HERC2: variants seen among roughly 807,000 people sequenced by gnomAD.
HERC2 encodes the protein E3 ubiquitin-protein ligase HERC2.
A neutral mutation model predicts 537.7 loss-of-function variants in HERC2; 102 were observed. The ratio of observed to expected loss-of-function variants is 0.19; its 90% confidence interval spans 0.16 to 0.22. The LOEUF (loss-of-function observed/expected upper bound fraction) is 0.22. Ranked by LOEUF, HERC2 falls within the 10% of genes least tolerant of loss-of-function variation. HERC2 has a pLI of 1.00. For synonymous variants in HERC2, 2,224 were observed against 2,466.2 expected, an observed-to-expected ratio of 0.90 and a Z score of 2.91; for missense variants, 4,236 against 6,198.2, an observed-to-expected ratio of 0.68 and a Z score of 10.63.
intron 81 of HERC2, among the ~76,000 whole-genome samples, 195 bp downstream of exon 81, chr15:28,131,905 G>T (rs190157403): frequency 5.3e-5 from 8 of 152,256 alleles, no homozygotes; most frequent in Non-Finnish European, 1.0e-4. Flanking sequence ...CTCCCTCTAG[G>T]CCCTCCACAC....
chr15:28,265,555 C>T lies in HERC2; in HGVS notation c.1870+63G>A. On this transcript the variant is annotated intron_variant, in intron 14 of 92. Coordinates refer to ENST00000261609, the MANE Select transcript of HERC2 (RefSeq NM_004667.6). This position sits in a 1 kb window ranked among gnomAD's most constrained non-coding sequence, Gnocchi z 4.0. ...AGGCCCACTGTACTCATCTCACTTC[C>T]TCCAGGGAAGCTGCCATGCGTGTCC... The T allele has an allele frequency of 7.2e-7, 1 of 1,394,128 alleles. No individual in the cohort carries two copies. The highest frequency in any genetic ancestry group is 1.0e-6 in the Non-Finnish European group (1 of 984,746). The allele number at this position is 1,394,128 out of a possible 1,614,324, so 86.4% of individuals were successfully genotyped here.
chr15:28,201,440 T>G lies in HERC2; in HGVS notation c.7716+16A>C, dbSNP rs149637097. ...TGAAAAACGGATCGAGGCTCCAGCT[T>G]AAGACAATTACTCACCTGAATATTC... On this transcript the variant is annotated intron_variant, in intron 48 of 92. Transcript: ENST00000261609. The G allele has an allele frequency of 1.7e-4, 254 of 1,477,540 alleles. 2 individuals are homozygous for G. The African/African-American group carries it at 3.3e-3, about 19-fold the overall frequency. The allele number at this position is 1,477,540 out of a possible 1,614,324, so 91.5% of individuals were successfully genotyped here. A position where few individuals can be genotyped will look rare whatever the true frequency, so the allele number is the denominator to read the frequency against.
At chr15:28,186,542 G>C (rs1184419576) in intron 56 of HERC2, 35 bp downstream of exon 56, 1 of 1,565,798 alleles carries the variant, frequency 6.4e-7, no homozygotes, top group East Asian at 2.3e-5. Flanking sequence ...AATGTAGCGG[G>C]AGGTAAGTGA....
At chr15:28,197,608 C>T (rs564648329) in intron 50 of HERC2, among the ~76,000 whole-genome samples, 1 of 152,176 alleles carries the variant, frequency 6.6e-6, no homozygotes, top group South Asian at 2.1e-4. Flanking sequence ...AAAAATTATC[C>T]AGGCATGGTG....
intron 48 of HERC2, among the ~76,000 whole-genome samples, chr15:28,199,009 T>C (rs1431029681): frequency 1.3e-5 from 2 of 152,018 alleles, no homozygotes; most frequent in Non-Finnish European, 2.9e-5. Context: ...TAGCCAGACG[T>C]GGCGGTGCAT....
intron 81 of HERC2, among the ~76,000 whole-genome samples, 200 bp downstream of exon 81, chr15:28,131,900 T>A (rs1890147130): frequency 6.6e-6 from 1 of 152,142 alleles, no homozygotes; most frequent in African/African-American, 2.4e-5. Context: ...CCTTACTCCC[T>A]CTAGGCCCTC....
In HERC2 at chr15:28,141,634, C is replaced by T. The variant is rs368537466; in HGVS notation, c.11817-4G>A. On this transcript the variant is annotated splice_polypyrimidine_tract_variant and splice_region_variant and intron_variant, in intron 77 of 92. Coordinates refer to ENST00000261609, the MANE Select transcript of HERC2 (RefSeq NM_004667.6). ...GAGAGTCCAGTCATCTGGTCGCCTA[C>T]AATACACATCAAGTGAGCATTTGCC... The T allele has an allele frequency of 1.2e-6, 2 of 1,614,006 alleles. No individual in the cohort carries two copies. Among genetic ancestry groups the T allele is most frequent in the Admixed American group, 3.3e-5 (2 of 59,986 alleles).
intron 44 of HERC2, among the ~76,000 whole-genome samples, chr15:28,210,180 C>T (rs1899015449): frequency 1.3e-5 from 2 of 151,990 alleles, no homozygotes; most frequent in South Asian, 4.1e-4. Context: ...GTCGTCCAGG[C>T]TGGAGTGCAG....
rs1473278904 is a variant in HERC2 at position 28,274,895 on chromosome 15, G to A, written c.643+10C>T. On this transcript the variant is annotated intron_variant, in intron 6 of 92. Coordinates refer to ENST00000261609, the MANE Select transcript of HERC2 (RefSeq NM_004667.6). ...GGAAGCAGAACAACGCGCCACACCA[G>A]GGACCGTACCTGATCGCCAGGCCCT... 1.2e-6 allele frequency: 2 copies of A among 1,604,764 alleles called. No homozygotes were observed. The highest frequency in any genetic ancestry group is 2.2e-5 in the South Asian group (2 of 90,928).
At chr15:28,238,512 A>G in intron 24 of HERC2, 90 bp downstream of exon 24, 5 of 1,104,306 alleles carry the variant, frequency 4.5e-6, no homozygotes, top group Non-Finnish European at 6.6e-6. Context: ...GGCTGGCACA[A>G]AACTAAAGAA....
intron 52 of HERC2, among the ~76,000 whole-genome samples, chr15:28,193,552 T>G (rs1169545621): frequency 6.6e-6 from 1 of 152,104 alleles, no homozygotes; most frequent in African/African-American, 2.4e-5. Context: ...AGAGGCAACA[T>G]GTGAAGAAAT....
intron 31 of HERC2, 51 bp from the exon 32 acceptor site, chr15:28,229,898 A>G (rs1901649933): frequency 2.4e-6 from 2 of 821,786 alleles, no homozygotes; most frequent in South Asian, 3.1e-5. Context: ...TTAATAATAA[A>G]CTGTGCTCTA....
At chr15:28,182,223 T>TA (rs1895889306) in intron 57 of HERC2, among the ~76,000 whole-genome samples, 178 bp downstream of exon 57, 1 of 152,180 alleles carries the variant, frequency 6.6e-6, no homozygotes, top group Admixed American at 6.5e-5. Flanking sequence ...ATAAGACAAT[T>TA]ATACCTAAAG....
At chr15:28,114,876 A>G in intron 89 of HERC2, 74 bp from the exon 90 acceptor site, 1 of 1,289,714 alleles carries the variant, frequency 7.8e-7, no homozygotes, top group Non-Finnish European at 1.1e-6. Context: ...TCCACCCAGC[A>G]CACTCTGTCA....
intron 69 of HERC2, among the ~76,000 whole-genome samples, chr15:28,160,798 C>G (rs1489706213): frequency 6.6e-6 from 1 of 152,234 alleles, no homozygotes; most frequent in Admixed American, 6.5e-5. Flanking sequence ...GTTGGAAATG[C>G]AGAAATCACC....
Position 28,268,533 on chromosome 15 carries a change from C to T in HERC2, c.1530G>A (p.Leu510=). 1 of 1,614,160 alleles carries T rather than the reference C, an allele frequency of 6.2e-7. No individual in the cohort carries two copies. ...AHSDGHHYLA[L]AATGEVYSWG... The stretch of plus-strand genomic sequence containing the variant: ...AGGAGTACACCTCTCCAGTAGCAGC[C>T]AAGGCTAGGTAGTGGTGACCATCAG... The change falls in exon 12 of 93, where the codon TTG becomes TTA. Residue 510 remains leucine, a synonymous_variant. Coordinates refer to ENST00000261609, the MANE Select transcript of HERC2 (RefSeq NM_004667.6). The surrounding 1 kb of genome is among the most constrained non-coding windows in gnomAD (Gnocchi z 4.7).
At chr15:28,156,795 A>C (rs1596077683) in intron 69 of HERC2, among the ~76,000 whole-genome samples, 1 of 152,210 alleles carries the variant, frequency 6.6e-6, no homozygotes, top group East Asian at 1.9e-4. Flanking sequence ...TATGTTGAAC[A>C]GGAGTGGTGA....
chr15:28,230,968 GAA>G (rs922162619), intron 30 of HERC2, among the ~76,000 whole-genome samples: 3 of 142,446 alleles, frequency 2.1e-5, no homozygotes, highest in Admixed American at 1.4e-4. Flanking sequence ...ATTTCAAACT[GAA>G]AAAAAAAAAG....
In HERC2 at chr15:28,168,521, C is replaced by T. The variant is rs1268017457; in HGVS notation, c.10299G>A (p.Ser3433=). 1.9e-6 allele frequency: 3 copies of T among 1,614,056 alleles called. No homozygotes were observed. Among genetic ancestry groups the T allele is most frequent in the African/African-American group, 1.3e-5 (1 of 74,928 alleles). The change falls in exon 67 of 93, where the codon TCG becomes TCA. Residue 3433 remains serine (S), a synonymous_variant. Transcript: ENST00000261609. ...IAPVECPSFS[S]AAPSDASAMA... Reference sequence around the variant, plus strand: ...TCGCAGATGCGTCGGAAGGGGCCGCCGAGGAGAACGAGGGGCACTCCACCG... The same window carrying T: ...TCGCAGATGCGTCGGAAGGGGCCGCTGAGGAGAACGAGGGGCACTCCACCG...
Sources: allele counts gnomAD v4.1 joint callset (sites outside exome capture counted in the v4.1 genomes callset), GRCh38; gene constraint gnomAD v4.1.1; non-coding constraint Gnocchi (gnomAD v3.1); transcripts MANE v1.5; gene names NCBI Gene and HGNC (gene_info 2026-07-23, HGNC 2026-07-21).